Variants in RALGAPA2 observed in about 807,000 individuals in gnomAD.
RALGAPA2 encodes the protein ral GTPase-activating protein subunit alpha-2.
A neutral mutation model predicts 230.4 loss-of-function variants in RALGAPA2; 139 were observed. That is an observed-to-expected ratio of 0.60 (90% CI 0.53 to 0.69). The LOEUF is 0.69. Ranked by LOEUF, RALGAPA2 falls within the 30% of genes least tolerant of loss-of-function variation. RALGAPA2 has a pLI of 0.00. For synonymous variants in RALGAPA2, 847 were observed against 837.8 expected, an observed-to-expected ratio of 1.01 and a Z score of -0.19; for missense variants, 2,163 against 2,276.0, an observed-to-expected ratio of 0.95 and a Z score of 1.01.
chr20:20,606,819 C>G (rs921122151), intron 14 of RALGAPA2, among the ~76,000 whole-genome samples: 5 of 152,306 alleles, frequency 3.3e-5, no homozygotes, highest in Non-Finnish European at 7.4e-5. Flanking sequence ...TGCCTATATG[C>G]TGGATATTTC....
At position 20,712,243 on chromosome 20, in the gene RALGAPA2, A is replaced by T; in HGVS notation, c.106+132T>A. On this transcript the variant is annotated intron_variant, in intron 1 of 39. Coordinates refer to ENST00000202677, the MANE Select transcript of RALGAPA2 (RefSeq NM_020343.4). This position sits in a 1 kb window ranked among gnomAD's most constrained non-coding sequence, Gnocchi z 5.5. ...GCCCCGGGGGTCCAAGCCCAGATCC[A>T]GGGAAGGGGGTCGGACGCCCACCCA... The T allele has an allele frequency of 1.1e-6, 1 of 884,078 alleles. No homozygotes were observed. The highest frequency in any genetic ancestry group is 1.6e-6 in the Non-Finnish European group (1 of 607,984). The allele number at this position is 884,078 out of a possible 1,614,324, so 54.8% of individuals were successfully genotyped here. A position where few individuals can be genotyped will look rare whatever the true frequency, so the allele number is the denominator to read the frequency against.
intron 37 of RALGAPA2, among the ~76,000 whole-genome samples, chr20:20,435,454 T>C (rs1398063162): frequency 1.3e-5 from 2 of 152,136 alleles, no homozygotes; most frequent in East Asian, 3.8e-4. Flanking sequence ...AAAATTTACA[T>C]AAATGCAGCT....
intron 14 of RALGAPA2, among the ~76,000 whole-genome samples, chr20:20,608,069 T>A (rs1603044047): frequency 2.6e-5 from 4 of 152,104 alleles, no homozygotes; most frequent in Admixed American, 2.6e-4. Flanking sequence ...CTTTCTGTAG[T>A]CACATTTCTC....
chr20:20,683,846 A>G (rs1020792408), intron 1 of RALGAPA2, among the ~76,000 whole-genome samples: 1 of 152,182 alleles, frequency 6.6e-6, no homozygotes, highest in Non-Finnish European at 1.5e-5. Flanking sequence ...CTTCCTGTAT[A>G]TAAGATAATA....
At chr20:20,427,062 C>G (rs1354178437) in intron 37 of RALGAPA2, among the ~76,000 whole-genome samples, 1 of 152,202 alleles carries the variant, frequency 6.6e-6, no homozygotes, top group African/African-American at 2.4e-5. Flanking sequence ...GCCTGGCTCT[C>G]AGTCACGGCC....
Position 20,573,152 on chromosome 20 carries a change from T to C in RALGAPA2, c.2708-84A>G, listed in dbSNP as rs2064705156. 3.3e-6 allele frequency: 4 copies of C among 1,208,290 alleles called. No individual in the cohort carries two copies. The South Asian group carries it at 8.7e-5, about 26-fold the overall frequency. The allele number at this position is 1,208,290 out of a possible 1,614,324, so 74.8% of individuals were successfully genotyped here. A position where few individuals can be genotyped will look rare whatever the true frequency, so the allele number is the denominator to read the frequency against. ...TTTCTTTAAGGCAAATTACCTTAGG[T>C]ATTCAAAGTAAAATAATTAAGGCAA... On this transcript the variant is annotated intron_variant, in intron 20 of 39. Coordinates refer to ENST00000202677, the MANE Select transcript of RALGAPA2 (RefSeq NM_020343.4).
chr20:20,595,356 C>G (rs536609150), intron 16 of RALGAPA2, among the ~76,000 whole-genome samples: 1 of 152,278 alleles, frequency 6.6e-6, no homozygotes, highest in East Asian at 1.9e-4. Context: ...TGATACCAAT[C>G]TGATCCTATA....
intron 37 of RALGAPA2, among the ~76,000 whole-genome samples, chr20:20,421,612 G>A (rs2060277173): frequency 6.6e-6 from 1 of 152,246 alleles, no homozygotes; most frequent in African/African-American, 2.4e-5. Context: ...GGAGGTTGCA[G>A]TGAGCCAAGA....
In RALGAPA2 at chr20:20,601,683, A is replaced by G; in HGVS notation, c.2202T>C (p.Thr734=). ...KARNIVRQKA[T]EVEECQQSEN... ...AGAAGCATTTAAATAAATGTTTACC[A>G]GTTGCTTTTTGGCGAACAATATTTC... Residue 734 remains threonine, a splice_region_variant and synonymous_variant, in exon 16 of 40, where the codon ACT becomes ACC. Transcript: ENST00000202677. 6 of 1,610,102 alleles carry G rather than the reference A, an allele frequency of 3.7e-6. No individual in the cohort carries two copies. The highest frequency in any genetic ancestry group is 5.1e-6 in the Non-Finnish European group (6 of 1,178,696).
chr20:20,610,276 C>T (rs190977954), intron 14 of RALGAPA2, among the ~76,000 whole-genome samples: 26 of 152,296 alleles, frequency 1.7e-4, no homozygotes, highest in Non-Finnish European at 3.4e-4. Context: ...AGCCCTTTCA[C>T]ACTGTTCACT....
At chr20:20,617,475 TG>T (rs1483664721) in intron 12 of RALGAPA2, among the ~76,000 whole-genome samples, 1 of 152,214 alleles carries the variant, frequency 6.6e-6, no homozygotes, top group East Asian at 1.9e-4. Flanking sequence ...GCAATTTTAG[TG>T]GTTCTGTTTT....
chr20:20,510,319 C>G (rs2062665180), intron 33 of RALGAPA2, among the ~76,000 whole-genome samples: 1 of 152,044 alleles, frequency 6.6e-6, no homozygotes, highest in East Asian at 1.9e-4. Context: ...TTTCTTCCTT[C>G]TTACTTCTCA....
At chr20:20,627,207 G>A (rs1377982859) in intron 10 of RALGAPA2, among the ~76,000 whole-genome samples, 2 of 152,160 alleles carry the variant, frequency 1.3e-5, no homozygotes, top group African/African-American at 4.8e-5. Context: ...GAGAGGAAAG[G>A]AGTGAGCAAA....
At position 20,611,442 on chromosome 20, in the gene RALGAPA2, TA is replaced by T. The variant is rs2065972672; in HGVS notation, c.1689-17del. On this transcript the variant is annotated splice_polypyrimidine_tract_variant and intron_variant, in intron 13 of 39. Coordinates refer to ENST00000202677, the MANE Select transcript of RALGAPA2 (RefSeq NM_020343.4). Reference sequence around the variant, plus strand: ...CATCTGTTCCCTGGGCCACCCAAAATAAAAGCTCATATTAATAATCATGTCT... The same window carrying T: ...CATCTGTTCCCTGGGCCACCCAAAATAAAGCTCATATTAATAATCATGTCT... 1.9e-6 allele frequency: 3 copies of T among 1,607,662 alleles called. No homozygotes were observed. In the Middle Eastern group the frequency reaches 5.0e-4, roughly 267 times the overall value.
intron 33 of RALGAPA2, 123 bp downstream of exon 33, chr20:20,511,131 T>C (rs1023986493): frequency 6.8e-5 from 98 of 1,448,578 alleles, no homozygotes; most frequent in Non-Finnish European, 8.8e-5. Context: ...TGTCACCAGA[T>C]GCTAGGTTAC....
At chr20:20,667,886 A>T (rs1453862195) in intron 3 of RALGAPA2, among the ~76,000 whole-genome samples, 1 of 152,158 alleles carries the variant, frequency 6.6e-6, no homozygotes, top group Admixed American at 6.5e-5. Flanking sequence ...ATGGCTTTTC[A>T]ATTCTGTTTG....
intron 37 of RALGAPA2, among the ~76,000 whole-genome samples, chr20:20,452,710 A>T (rs1301720845): frequency 6.6e-6 from 1 of 152,254 alleles, no homozygotes; most frequent in Non-Finnish European, 1.5e-5. Context: ...CAGCCTCAAG[A>T]GTAGAATCTG....
chr20:20,491,562 G>A (rs188466145), intron 36 of RALGAPA2, among the ~76,000 whole-genome samples: 6 of 152,134 alleles, frequency 3.9e-5, no homozygotes, highest in African/African-American at 1.4e-4. Flanking sequence ...AAAGCAGCAC[G>A]GGTACTCACT....
At chr20:20,662,401 A>G (rs913935971) in intron 3 of RALGAPA2, among the ~76,000 whole-genome samples, 8 of 152,236 alleles carry the variant, frequency 5.3e-5, no homozygotes, top group Non-Finnish European at 1.0e-4. Flanking sequence ...TGATTCGCAT[A>G]TAACAAAAAC....
Sources: gnomAD v4.1 joint callset for allele counts (sites outside exome capture counted in the v4.1 genomes callset) on GRCh38, gnomAD v4.1.1 for gene constraint, Gnocchi (gnomAD v3.1) non-coding constraint, MANE v1.5 for transcripts, NCBI Gene and HGNC (gene_info 2026-07-23, HGNC 2026-07-21) for gene names.